Variants in BICRA observed in about 807,000 individuals in gnomAD.
The protein encoded by BICRA is BRD4-interacting chromatin-remodeling complex-associated protein.
A neutral mutation model predicts 96.9 loss-of-function variants in BICRA; 31 were observed. That is an observed-to-expected ratio of 0.32 (90% CI 0.24 to 0.43). The LOEUF (loss-of-function observed/expected upper bound fraction) is 0.43, where lower values mean the gene tolerates loss of function less well. Among genes scored for constraint, BICRA ranks in the 20% least tolerant of loss-of-function variants. BICRA has a pLI of 1.00. For synonymous variants in BICRA, 1,350 were observed against 1,071.8 expected, an observed-to-expected ratio of 1.26 and a Z score of -5.07; for missense variants, 2,283 against 2,190.3, an observed-to-expected ratio of 1.04 and a Z score of -0.84.
intron 1 of BICRA, among the ~76,000 whole-genome samples, chr19:47,644,825 A>T (rs1328059625): frequency 6.6e-6 from 1 of 152,082 alleles, no homozygotes; most frequent in Non-Finnish European, 1.5e-5. Flanking sequence ...TTTTATTTCT[A>T]CAGGCCAGTA....
chr19:47,694,169 C>T lies in BICRA; in HGVS notation c.2338C>T (p.Pro780Ser). The T allele has an allele frequency of 1.3e-6, 2 of 1,507,848 alleles. No individual in the cohort carries two copies. The highest frequency in any genetic ancestry group is 8.9e-7 in the Non-Finnish European group (1 of 1,121,386). 93.4% of individuals were successfully genotyped at this position (1,507,848 alleles called of 1,614,324 possible). A position where few individuals can be genotyped will look rare whatever the true frequency, so the allele number is the denominator to read the frequency against. The stretch of plus-strand genomic sequence containing the variant: ...AGGCCCCTCTTCGTCCCCGTCACTA[C>T]CTCACCAGGCCCCTCTGGGGGACAG... Reference protein sequence around the residue: ...GPGPSSSPSLPHQAPLGDSPH... With the variant: ...GPGPSSSPSLSHQAPLGDSPH... Residue 780 changes from proline to serine, a missense_variant, in exon 8 of 15, where the codon CCT (proline) becomes TCT (serine). By Grantham distance (74) the Pro-to-Ser change is moderately conservative (BLOSUM62 -1). Coordinates refer to ENST00000594866, the MANE Select transcript of BICRA (RefSeq NM_001394372.1).
At chr19:47,677,646 G>A (rs773208035) in intron 5 of BICRA, among the ~76,000 whole-genome samples, 5 of 152,160 alleles carry the variant, frequency 3.3e-5, no homozygotes, top group Non-Finnish European at 1.5e-5. Flanking sequence ...GGTGAGCCAG[G>A]ATCACACCAT....
intron 1 of BICRA, among the ~76,000 whole-genome samples, chr19:47,616,203 G>GTA (rs1415048232): frequency 6.6e-6 from 1 of 152,222 alleles, no homozygotes; most frequent in Non-Finnish European, 1.5e-5. Flanking sequence ...AGTGCCTGGG[G>GTA]TATAGCAAGC....
chr19:47,654,352 CCT>C (rs1972583235), intron 1 of BICRA, among the ~76,000 whole-genome samples: 2 of 152,084 alleles, frequency 1.3e-5, no homozygotes, highest in East Asian at 3.9e-4. Flanking sequence ...ATACTATTCC[CCT>C]GTTTAGAGAA....
At chr19:47,671,262 C>G (rs1972858111) in intron 2 of BICRA, among the ~76,000 whole-genome samples, 1 of 152,140 alleles carries the variant, frequency 6.6e-6, no homozygotes, top group Non-Finnish European at 1.5e-5. Context: ...AAGGAGGCCC[C>G]TGTTAGGGGA....
intron 1 of BICRA, among the ~76,000 whole-genome samples, chr19:47,621,661 A>AG (rs1332462647): frequency 5.3e-5 from 8 of 150,992 alleles, no homozygotes; most frequent in African/African-American, 1.9e-4. Flanking sequence ...TTTAGTAGAG[A>AG]GGGGGTTTCA....
Position 47,680,746 on chromosome 19 carries a change from C to G in BICRA, c.1576C>G (p.Leu526Val), listed in dbSNP as rs1217650561. 25 of 1,608,158 alleles carry G rather than the reference C, an allele frequency of 1.6e-5. No individual in the cohort carries two copies. The highest frequency in any genetic ancestry group is 2.1e-5 in the Non-Finnish European group (25 of 1,177,896). The change falls in exon 6 of 15, where the codon CTG becomes GTG. Residue 526 changes from leucine to valine, a missense_variant. Transcript: ENST00000594866. ...CCAGAACCTGGCGGGCCCACTGAGC[C>G]TGGGCCCCGTGTTGGCCCCCCACTC... ...TNQNLAGPLS[L>V]GPVLAPHSGA...
chr19:47,647,801 C>T (rs532929794), intron 1 of BICRA, among the ~76,000 whole-genome samples: 21 of 152,066 alleles, frequency 1.4e-4, no homozygotes, highest in African/African-American at 3.9e-4. Context: ...GAAGACCCTG[C>T]TATGTCCTTG....
chr19:47,615,558 T>C (rs1171844224), intron 1 of BICRA: 1 of 152,256 alleles, frequency 6.6e-6, no homozygotes, highest in Non-Finnish European at 1.5e-5. Flanking sequence ...GGGGACTTGC[T>C]TGGGGCCTTG....
intron 7 of BICRA, among the ~76,000 whole-genome samples, chr19:47,685,795 G>GCGCGCGCGCGCGCGCGCGCA (rs1555790170): frequency 6.8e-6 from 1 of 147,560 alleles, no homozygotes; most frequent in African/African-American, 2.4e-5. Context: ...GTGCGCGCGC[G>GCGCGCGCGCGCGCGCGCGCA]CGCGCATGCG....
intron 1 of BICRA, among the ~76,000 whole-genome samples, chr19:47,626,571 G>GT (rs549577847): frequency 0.033 from 4,172 of 126,620 alleles, 90 homozygotes; most frequent in South Asian, 0.047. Context: ...TAATTTTTTG[G>GT]TTTTTTTTTT....
Position 47,680,151 on chromosome 19 carries a change from G to A in BICRA, c.981G>A (p.Val327=), listed in dbSNP as rs1166782657. The change falls in exon 6 of 15, where the codon GTG becomes GTA. Residue 327 remains valine (V), a synonymous_variant. Transcript: ENST00000594866. ...CGCCCTCGGGACAGCCGCTGGCGGT[G>A]GCCCCAGGCCTCGGCTCGTCGCCAC... ...TGTPSGQPLA[V]APGLGSSPLV... The A allele has an allele frequency of 2.6e-6, 4 of 1,524,060 alleles. No individual in the cohort carries two copies. Among genetic ancestry groups the A allele is most frequent in the Non-Finnish European group, 2.6e-6 (3 of 1,145,474 alleles). 94.4% of individuals were successfully genotyped at this position (1,524,060 alleles called of 1,614,324 possible). A position where few individuals can be genotyped will look rare whatever the true frequency, so the allele number is the denominator to read the frequency against.
intron 1 of BICRA, among the ~76,000 whole-genome samples, chr19:47,637,644 A>G (rs1451066050): frequency 1.3e-5 from 2 of 152,236 alleles, no homozygotes; most frequent in South Asian, 2.1e-4. Context: ...TAGTTTGAGA[A>G]CATTTTTTCT....
intron 6 of BICRA, 65 bp downstream of exon 6, chr19:47,681,341 G>C (rs1230691466): frequency 5.7e-6 from 8 of 1,415,302 alleles, no homozygotes; most frequent in African/African-American, 1.4e-5. Flanking sequence ...GAGGGGTCCT[G>C]GGGCGAGGCG....
chr19:47,694,881 C>T lies in BICRA; in HGVS notation c.2896-19C>T. 6.7e-7 allele frequency: 1 copy of T among 1,496,600 alleles called. No individual in the cohort carries two copies. The highest frequency in any genetic ancestry group is 8.9e-7 in the Non-Finnish European group (1 of 1,125,374). The allele number at this position is 1,496,600 out of a possible 1,614,324, so 92.7% of individuals were successfully genotyped here. ...CTAGCCTATGTTCCCCACCCCTCAT[C>T]CACCTGTCCCCTCCTCAGGTGCCGT... On this transcript the variant is annotated intron_variant, in intron 8 of 14. Transcript: ENST00000594866.
At chr19:47,653,649 A>G (rs1017871110) in intron 1 of BICRA, among the ~76,000 whole-genome samples, 6 of 152,154 alleles carry the variant, frequency 3.9e-5, no homozygotes, top group African/African-American at 1.4e-4. Context: ...ACTTGGTGTC[A>G]TGCGTTCCAG....
At chr19:47,677,627 G>A (rs986768236) in intron 5 of BICRA, among the ~76,000 whole-genome samples, 2 of 152,160 alleles carry the variant, frequency 1.3e-5, no homozygotes, top group Non-Finnish European at 2.9e-5. Flanking sequence ...ACTCGTGGGC[G>A]GAGATTGTGG....
intron 7 of BICRA, among the ~76,000 whole-genome samples, chr19:47,689,863 TAG>T (rs1439355435): frequency 6.6e-6 from 1 of 152,244 alleles, no homozygotes; most frequent in Non-Finnish European, 1.5e-5. Context: ...TGTTTTCTGT[TAG>T]AGTCTTGAAG....
Position 47,698,586 on chromosome 19 carries a change from T to TGGTGTGTGCCCCTTGCCC in BICRA, c.3249-48_3249-47insGGTGTGTGCCCCTTGCCC. The TGGTGTGTGCCCCTTGCCC allele has an allele frequency of 1.4e-6, 1 of 716,714 alleles. No homozygotes were observed. Among genetic ancestry groups the TGGTGTGTGCCCCTTGCCC allele is most frequent in the Non-Finnish European group, 2.5e-6 (1 of 392,850 alleles). 44.4% of individuals were successfully genotyped at this position (716,714 alleles called of 1,614,324 possible). ...AGGGACTTCCCCTGGCCCTCACCCG[T>TGGTGTGTGCCCCTTGCCC]CCCCCCCACCCTCCGCCGTGTGTGG... On this transcript the variant is annotated intron_variant, in intron 11 of 14. Coordinates refer to ENST00000594866, the MANE Select transcript of BICRA (RefSeq NM_001394372.1). The surrounding 1 kb of genome is among the most constrained non-coding windows in gnomAD (Gnocchi z 4.8).
Sources: gnomAD v4.1 joint callset for allele counts (sites outside exome capture counted in the v4.1 genomes callset) on GRCh38, gnomAD v4.1.1 for gene constraint, Gnocchi (gnomAD v3.1) non-coding constraint, MANE v1.5 for transcripts, NCBI Gene and HGNC (gene_info 2026-07-23, HGNC 2026-07-21) for gene names.